PLCXD3: variants seen among roughly 807,000 people sequenced by gnomAD.
The protein encoded by PLCXD3 is phosphatidylinositol specific phospholipase C X domain containing 3.
Under a neutral mutation model 25.5 loss-of-function variants are expected in PLCXD3, and 19 were observed. The observed-to-expected ratio is 0.75, with a 90% CI of 0.52 to 1.09. The LOEUF (loss-of-function observed/expected upper bound fraction) is 1.09, where lower values mean the gene tolerates loss of function less well. PLCXD3 is among the 50% of genes least tolerant of loss of function. The probability of loss-of-function intolerance (pLI) is 0.00; values close to 1 mark genes in which losing one functional copy is unlikely to be tolerated. For synonymous variants in PLCXD3, 174 were observed against 137.6 expected, an observed-to-expected ratio of 1.26 and a Z score of -1.85; for missense variants, 411 against 388.1, an observed-to-expected ratio of 1.06 and a Z score of -0.50.
rs1049014280 is a variant in PLCXD3 at position 41,311,006 on chromosome 5, G to A, written c.*2611C>T. On this transcript the variant is annotated 3_prime_UTR_variant, in exon 3 of 3. Coordinates refer to ENST00000377801, the MANE Select transcript of PLCXD3 (RefSeq NM_001005473.3). Reference sequence around the variant, plus strand: ...ACAAATAGGACAAAGTTAATTCTAAGCAAACACTATGAGAAAGTATCTAGG... The same window carrying A: ...ACAAATAGGACAAAGTTAATTCTAAACAAACACTATGAGAAAGTATCTAGG... The A allele has an allele frequency of 6.6e-6, 1 of 152,072 alleles. No homozygotes were observed. Among genetic ancestry groups the A allele is most frequent in the Non-Finnish European group, 1.5e-5 (1 of 67,982 alleles). 9.4% of individuals were successfully genotyped at this position (152,072 alleles called of 1,614,324 possible). A position where few individuals can be genotyped will look rare whatever the true frequency, so the allele number is the denominator to read the frequency against.
intron 2 of PLCXD3, among the ~76,000 whole-genome samples, chr5:41,322,463 T>G (rs961686285): frequency 1.3e-5 from 2 of 152,206 alleles, no homozygotes; most frequent in Non-Finnish European, 2.9e-5. Context: ...TTGGTGGGAA[T>G]GTACATTAGT....
At chr5:41,324,978 G>A (rs919544573) in intron 2 of PLCXD3, among the ~76,000 whole-genome samples, 2 of 152,116 alleles carry the variant, frequency 1.3e-5, no homozygotes, top group East Asian at 1.9e-4. Flanking sequence ...CCATATTCAC[G>A]TCTCAGAACC....
At chr5:41,469,189 C>T (rs1438697952) in intron 1 of PLCXD3, among the ~76,000 whole-genome samples, 3 of 152,132 alleles carry the variant, frequency 2.0e-5, no homozygotes, top group Non-Finnish European at 4.4e-5. Flanking sequence ...TATTGATATG[C>T]ATATATTGAA....
intron 1 of PLCXD3, among the ~76,000 whole-genome samples, chr5:41,463,865 ACCTTTCCTCTTTG>A (rs758957645): frequency 0.036 from 5,536 of 152,072 alleles, 158 homozygotes; most frequent in Non-Finnish European, 0.053. Flanking sequence ...TTTCAGGGCT[ACCTTTCCTCTTTG>A]AAAACTTATC....
At chr5:41,445,962 C>G (rs1047244108) in intron 1 of PLCXD3, among the ~76,000 whole-genome samples, 2 of 151,556 alleles carry the variant, frequency 1.3e-5, no homozygotes, top group Non-Finnish European at 2.9e-5. Context: ...CCGAGGCGGA[C>G]GAATCACGAG....
intron 1 of PLCXD3, among the ~76,000 whole-genome samples, chr5:41,476,525 A>C (rs1283210656): frequency 1.3e-5 from 2 of 152,212 alleles, no homozygotes; most frequent in East Asian, 3.8e-4. Context: ...GGTTGGCAAC[A>C]TCTTATACAT....
At chr5:41,382,605 C>A in intron 1 of PLCXD3, 71 bp from the exon 2 acceptor site, 1 of 1,186,856 alleles carries the variant, frequency 8.4e-7, no homozygotes, top group South Asian at 1.5e-5. Flanking sequence ...TTCCCTCTTG[C>A]AATATCCATA....
At chr5:41,450,903 A>G (rs1337486026) in intron 1 of PLCXD3, among the ~76,000 whole-genome samples, 1 of 152,074 alleles carries the variant, frequency 6.6e-6, no homozygotes, top group Non-Finnish European at 1.5e-5. Flanking sequence ...GGAATAATGG[A>G]AGCAGAAAAA....
intron 1 of PLCXD3, among the ~76,000 whole-genome samples, chr5:41,459,260 A>G (rs1238584457): frequency 2.6e-5 from 4 of 151,894 alleles, no homozygotes; most frequent in Non-Finnish European, 5.9e-5. Flanking sequence ...TCTTCCTAAT[A>G]TAAATGTCAT....
rs576188389 is a variant in PLCXD3 at position 41,364,980 on chromosome 5, G to A, written c.812+16846C>T. On this transcript the variant is annotated intron_variant, in intron 2 of 2. Transcript: ENST00000377801. ...TTTAGCAAATTTTCTCAGGGAACTT[G>A]CTAAATTTTATTGTCAAAATACAGA... Among the ~76,000 whole-genome samples, 3 of 152,262 alleles carry A rather than the reference G, an allele frequency of 2.0e-5. No individual in the cohort carries two copies. The East Asian group carries it at 5.8e-4, about 29-fold the overall frequency.
intron 2 of PLCXD3, among the ~76,000 whole-genome samples, chr5:41,361,479 G>A (rs1359217122): frequency 6.6e-6 from 1 of 152,178 alleles, no homozygotes; most frequent in East Asian, 1.9e-4. Context: ...AGTTCATGAT[G>A]TGAGTCTCCA....
chr5:41,405,667 T>C (rs183436941), intron 1 of PLCXD3, among the ~76,000 whole-genome samples: 99 of 152,286 alleles, frequency 6.5e-4, no homozygotes, highest in Middle Eastern at 3.4e-3. Context: ...TTCAAGTCAA[T>C]GGGTCCATTG....
intron 1 of PLCXD3, among the ~76,000 whole-genome samples, chr5:41,412,160 G>A (rs1746566494): frequency 6.6e-6 from 1 of 151,826 alleles, no homozygotes; most frequent in African/African-American, 2.4e-5. Context: ...TCAAATCGTG[G>A]TCAAATTTAT....
At position 41,381,907 on chromosome 5, in the gene PLCXD3, A is replaced by G; in HGVS notation, c.731T>C (p.Ile244Thr). 2 of 1,613,344 alleles carry G rather than the reference A, an allele frequency of 1.2e-6. No homozygotes were observed. The highest frequency in any genetic ancestry group is 8.5e-7 in the Non-Finnish European group (1 of 1,179,668). ...TERRKKGSFF[I>T]SQVVLTPKAS... ...TTTGGGGGTCAGCACCACCTGAGAT[A>G]TAAAAAACGATCCCTTCTTTCTTCT... is the stretch of plus-strand genomic sequence containing the variant. The change falls in exon 2 of 3, where the codon ATA becomes ACA. Residue 244 changes from isoleucine (I) to threonine (T), a missense_variant. By Grantham distance (89) the Ile-to-Thr change is moderately conservative (BLOSUM62 -1). Coordinates refer to ENST00000377801, the MANE Select transcript of PLCXD3 (RefSeq NM_001005473.3).
At chr5:41,336,157 G>A (rs978646732) in intron 2 of PLCXD3, among the ~76,000 whole-genome samples, 1 of 152,098 alleles carries the variant, frequency 6.6e-6, no homozygotes, top group Admixed American at 6.6e-5. Flanking sequence ...CATCTTCCTC[G>A]TTGTATAATG....
chr5:41,465,876 T>A (rs926530385), intron 1 of PLCXD3, among the ~76,000 whole-genome samples: 7 of 152,138 alleles, frequency 4.6e-5, no homozygotes, highest in African/African-American at 1.7e-4. Context: ...AATTTCAGAA[T>A]ATAATCTGCT....
chr5:41,471,380 A>G lies in PLCXD3; in HGVS notation c.103+39044T>C, dbSNP rs2150520070. On this transcript the variant is annotated intron_variant, in intron 1 of 2. Coordinates refer to ENST00000377801, the MANE Select transcript of PLCXD3 (RefSeq NM_001005473.3). Reference sequence around the variant, plus strand: ...AAAGAGAGTGCAACAACTGTGAGACATTGCACTGAATGCACTGCAGCCCTG... The same window carrying G: ...AAAGAGAGTGCAACAACTGTGAGACGTTGCACTGAATGCACTGCAGCCCTG... Among the ~76,000 whole-genome samples, 3 of 152,324 alleles carry G rather than the reference A, an allele frequency of 2.0e-5. No homozygotes were observed. In the Middle Eastern group the frequency reaches 0.01, roughly 518 times the overall value.
In PLCXD3 at chr5:41,508,823, C is replaced by G. The variant is rs1047028305; in HGVS notation, c.103+1601G>C. ...TGAAGGAAGAAAAGGAATGGGAATGCCTGTGGAAGTGAGAATGGAGTTATG... is the reference window on the plus strand; with the variant it reads ...TGAAGGAAGAAAAGGAATGGGAATGGCTGTGGAAGTGAGAATGGAGTTATG... On this transcript the variant is annotated intron_variant, in intron 1 of 2. Coordinates refer to ENST00000377801, the MANE Select transcript of PLCXD3 (RefSeq NM_001005473.3). Among the ~76,000 whole-genome samples the G allele has an allele frequency of 3.3e-5, 5 of 152,306 alleles. No homozygotes were observed. In the East Asian group the frequency reaches 9.6e-4, roughly 29 times the overall value.
intron 1 of PLCXD3, among the ~76,000 whole-genome samples, chr5:41,459,381 A>C (rs1049946006): frequency 3.3e-5 from 5 of 151,862 alleles, no homozygotes; most frequent in African/African-American, 4.8e-5. Flanking sequence ...CTTCAATTAG[A>C]TTTCATTGCT....
Sources: allele counts gnomAD v4.1 joint callset (sites outside exome capture counted in the v4.1 genomes callset), GRCh38; gene constraint gnomAD v4.1.1; transcripts MANE v1.5; gene names NCBI Gene and HGNC (gene_info 2026-07-23, HGNC 2026-07-21).